RAB2A: variants seen among roughly 807,000 people sequenced by gnomAD.
RAB2A encodes the protein ras-related protein Rab-2A.
Under a neutral mutation model 32.5 loss-of-function variants are expected in RAB2A, and 7 were observed. The ratio of observed to expected loss-of-function variants is 0.22; its 90% CI spans 0.12 to 0.40. RAB2A has a LOEUF of 0.40. RAB2A is among the 10% of genes least tolerant of loss of function. The probability of loss-of-function intolerance (pLI) is 1.00; values close to 1 mark genes in which losing one functional copy is unlikely to be tolerated. For missense variants in RAB2A, 108 were observed against 260.7 expected, an observed-to-expected ratio of 0.41 and a Z score of 4.03; for synonymous variants, 79 against 85.2, an observed-to-expected ratio of 0.93 and a Z score of 0.40.
chr8:60,607,972 T>A (rs2150435668), intron 6 of RAB2A, among the ~76,000 whole-genome samples: 1 of 152,360 alleles, frequency 6.6e-6, no homozygotes, highest in Middle Eastern at 3.4e-3. Flanking sequence ...CCTTCTGGCT[T>A]CTATTAAGAG....
At chr8:60,528,565 T>C (rs1210868854) in intron 1 of RAB2A, among the ~76,000 whole-genome samples, 25 of 152,244 alleles carry the variant, frequency 1.6e-4, no homozygotes, top group Admixed American at 1.6e-3. Flanking sequence ...ATAACAAGCA[T>C]GTTATCCTTG....
At chr8:60,543,085 T>C (rs1282800637) in intron 1 of RAB2A, among the ~76,000 whole-genome samples, 1 of 152,234 alleles carries the variant, frequency 6.6e-6, no homozygotes, top group East Asian at 1.9e-4. Flanking sequence ...GGAATTATTA[T>C]AGACAGAATC....
intron 2 of RAB2A, among the ~76,000 whole-genome samples, chr8:60,571,088 TCTC>T (rs1808191350): frequency 6.6e-6 from 1 of 152,216 alleles, no homozygotes; most frequent in Non-Finnish European, 1.5e-5. Flanking sequence ...TCTAAAATTA[TCTC>T]CTATTTTTCT....
rs116729377 is a variant in RAB2A at position 60,528,919 on chromosome 8, A to G, written c.46+11666A>G. Among the ~76,000 whole-genome samples the G allele has an allele frequency of 9.1e-3, 1,390 of 152,248 alleles. 21 individuals carry two copies. The highest frequency in any genetic ancestry group is 0.032 in the African/African-American group (1,339 of 41,530). ...GACTCGGTAGGATTTTGTTCTGTGA[A>G]GGAACAGAAACGCACTCCAGCTAGC... On this transcript the variant is annotated intron_variant, in intron 1 of 7. Transcript: ENST00000262646.
At chr8:60,608,545 T>C (rs1804280001) in intron 6 of RAB2A, among the ~76,000 whole-genome samples, 2 of 133,650 alleles carry the variant, frequency 1.5e-5, no homozygotes, top group African/African-American at 6.7e-5. Context: ...CCTCCTTCTC[T>C]CTCTCCTCTC....
In RAB2A at chr8:60,615,788, T is replaced by C. The variant is rs149362497; in HGVS notation, c.475-2792T>C. Among the ~76,000 whole-genome samples, 1,138 of 152,290 alleles carry C rather than the reference T, an allele frequency of 7.5e-3. 11 individuals are homozygous for C. Among genetic ancestry groups the C allele is most frequent in the Non-Finnish European group, 9.7e-3 (657 of 67,998 alleles). ...TGTGTGTGTGCAAAGCCTAGTGTTA[T>C]TGCAAATAGCCACATACTTTTAAAA... On this transcript the variant is annotated intron_variant, in intron 6 of 7. Coordinates refer to ENST00000262646, the MANE Select transcript of RAB2A (RefSeq NM_002865.3).
chr8:60,540,251 C>T (rs933665359), intron 1 of RAB2A, among the ~76,000 whole-genome samples: 1 of 150,530 alleles, frequency 6.6e-6, no homozygotes, highest in Non-Finnish European at 1.5e-5. Context: ...TAGAAGGGTA[C>T]GGGTATATAG....
intron 2 of RAB2A, among the ~76,000 whole-genome samples, chr8:60,566,993 A>G (rs1398191469): frequency 3.3e-5 from 5 of 152,158 alleles, no homozygotes; most frequent in African/African-American, 1.2e-4. Context: ...TTGTGGCCTC[A>G]CACCATTAAT....
chr8:60,545,000 C>T (rs903662305), intron 1 of RAB2A, among the ~76,000 whole-genome samples: 2 of 151,960 alleles, frequency 1.3e-5, no homozygotes, highest in Non-Finnish European at 2.9e-5. Flanking sequence ...CTGCCACGGC[C>T]TCCCAAGGTA....
chr8:60,599,735 T>G, intron 6 of RAB2A, among the ~76,000 whole-genome samples: 1 of 152,030 alleles, frequency 6.6e-6, no homozygotes, highest in East Asian at 1.9e-4. Context: ...ATAAATGAAC[T>G]TCCTCCTAAG....
At position 60,545,077 on chromosome 8, in the gene RAB2A, T is replaced by C. The variant is rs571791141; in HGVS notation, c.47-13775T>C. ...TCACATATTTTAAATTAAAGCTGTT[T>C]GGCTTGTGGTTGTAAAAATAGAATC... On this transcript the variant is annotated intron_variant, in intron 1 of 7. Transcript: ENST00000262646. 1.4e-4 allele frequency among the ~76,000 whole-genome samples: 22 copies of C among 152,292 alleles called. 1 individual carries two copies. The highest frequency in any genetic ancestry group is 6.8e-3 in the Middle Eastern group (2 of 294).
intron 1 of RAB2A, among the ~76,000 whole-genome samples, chr8:60,524,095 A>G (rs1807342930): frequency 6.6e-6 from 1 of 151,980 alleles, no homozygotes. Flanking sequence ...CATAGAGGCT[A>G]TTGTCCCTGT....
At chr8:60,583,890 C>G (rs1370644092) in intron 3 of RAB2A, among the ~76,000 whole-genome samples, 1 of 152,136 alleles carries the variant, frequency 6.6e-6, no homozygotes, top group East Asian at 1.9e-4. Flanking sequence ...CCATTCTGTC[C>G]TTTAATAATG....
At chr8:60,557,826 A>G (rs1269159068) in intron 1 of RAB2A, among the ~76,000 whole-genome samples, 2 of 151,996 alleles carry the variant, frequency 1.3e-5, no homozygotes, top group East Asian at 3.9e-4. Flanking sequence ...TTGGCCTCCC[A>G]AAGTGCTCGG....
At chr8:60,611,314 C>T (rs1026377346) in intron 6 of RAB2A, among the ~76,000 whole-genome samples, 5 of 152,104 alleles carry the variant, frequency 3.3e-5, no homozygotes, top group Non-Finnish European at 5.9e-5. Flanking sequence ...CGTTCCTGGC[C>T]GTCCTCAGCT....
intron 1 of RAB2A, among the ~76,000 whole-genome samples, chr8:60,543,757 A>G (rs1312344021): frequency 2.6e-5 from 4 of 152,152 alleles, no homozygotes; most frequent in East Asian, 1.9e-4. Context: ...AAATCGTTCT[A>G]TTTAGAAAGA....
At chr8:60,607,117 C>CTT (rs201215354) in intron 6 of RAB2A, among the ~76,000 whole-genome samples, 324 of 124,714 alleles carry the variant, frequency 2.6e-3, no homozygotes, top group East Asian at 4.0e-3. Context: ...GGTCAATTGT[C>CTT]TTTTTTTTTT....
chr8:60,532,941 A>G (rs991649450), intron 1 of RAB2A, among the ~76,000 whole-genome samples: 12 of 152,274 alleles, frequency 7.9e-5, no homozygotes, highest in Admixed American at 1.3e-4. Context: ...ACTTGGACAC[A>G]GTCCAATTTG....
At chr8:60,524,027 T>C (rs1807341913) in intron 1 of RAB2A, among the ~76,000 whole-genome samples, 1 of 152,212 alleles carries the variant, frequency 6.6e-6, no homozygotes, top group Non-Finnish European at 1.5e-5. Flanking sequence ...TCTAACCCAG[T>C]TTATTTACTA....
Sources: allele counts gnomAD v4.1 joint callset (sites outside exome capture counted in the v4.1 genomes callset), GRCh38; gene constraint gnomAD v4.1.1; transcripts MANE v1.5; gene names NCBI Gene and HGNC (gene_info 2026-07-23, HGNC 2026-07-21).